The following PKHD1L1 variants were observed in gnomAD, a reference collection of about 807,000 sequenced individuals.
PKHD1L1 encodes PKHD1 like 1, also known as fibrocystin-L.
Under a neutral mutation model 462.9 loss-of-function variants are expected in PKHD1L1, and 434 were observed. That is an observed-to-expected ratio of 0.94 (90% CI 0.87 to 1.02). PKHD1L1 has a LOEUF of 1.02. Among genes scored for constraint, PKHD1L1 ranks in the 50% least tolerant of loss-of-function variants. The pLI is 0.00. For synonymous variants in PKHD1L1, 1,781 were observed against 1,750.0 expected, an observed-to-expected ratio of 1.02 and a Z score of -0.44; for missense variants, 5,202 against 5,096.1, an observed-to-expected ratio of 1.02 and a Z score of -0.63.
chr8:109,499,812 C>G (rs1307544719), intron 67 of PKHD1L1, among the ~76,000 whole-genome samples: 2 of 152,098 alleles, frequency 1.3e-5, no homozygotes, highest in African/African-American at 4.8e-5. Context: ...AGTTGCTAAG[C>G]AAGGATGTGA....
At chr8:109,466,107 A>C (rs1817426472) in intron 49 of PKHD1L1, among the ~76,000 whole-genome samples, 1 of 152,214 alleles carries the variant, frequency 6.6e-6, no homozygotes, top group African/African-American at 2.4e-5. Context: ...ACAGTTGTTA[A>C]CTTCTGTTTC....
intron 10 of PKHD1L1, 141 bp from the exon 11 acceptor site, chr8:109,395,886 T>C: frequency 5.1e-6 from 3 of 583,692 alleles, no homozygotes; most frequent in Non-Finnish European, 9.1e-6. Flanking sequence ...GAGAAAGTAA[T>C]GAAACACCTA....
rs772243005 is a variant in PKHD1L1, at chr8:109,477,201, A to G, written c.8918-24A>G. ...AGTACTTTGGTCACTATGTTCATTT[A>G]ACCCACTTTTACTTCACTTTCAGTG... On this transcript the variant is annotated intron_variant, in intron 52 of 77. Coordinates refer to ENST00000378402, the MANE Select transcript of PKHD1L1 (RefSeq NM_177531.6). The G allele has an allele frequency of 1.9e-6, 3 of 1,611,592 alleles. No individual in the cohort carries two copies. In the African/African-American group the frequency reaches 4.0e-5, roughly 22 times the overall value.
intron 65 of PKHD1L1, among the ~76,000 whole-genome samples, chr8:109,497,571 T>C (rs1783161): frequency 0.39 from 59,286 of 151,334 alleles, 11,805 homozygotes; most frequent in South Asian, 0.57. Flanking sequence ...GGACTACAGG[T>C]GCCCGCCACC....
intron 3 of PKHD1L1, 29 bp downstream of exon 3, chr8:109,381,543 CA>C: frequency 6.9e-7 from 1 of 1,453,880 alleles, no homozygotes; most frequent in Non-Finnish European, 9.4e-7. Context: ...TTAATAAAAT[CA>C]TTTTCATCAT....
At position 109,448,505 on chromosome 8, in the gene PKHD1L1, TTTG is replaced by T. The variant is rs1219703798; in HGVS notation, c.6025+117_6025+119del. 6.5e-6 allele frequency: 8 copies of T among 1,235,110 alleles called. No individual in the cohort carries two copies. In the African/African-American group the frequency reaches 6.7e-5, roughly 10 times the overall value. The allele number at this position is 1,235,110 out of a possible 1,614,324, so 76.5% of individuals were successfully genotyped here. ...AACACATAAAATTTCTAGTGTTTTTTTTGTTTGTTTGGTTTTTTTTTTTTGAGA... is the reference window on the plus strand; with the variant it reads ...AACACATAAAATTTCTAGTGTTTTTTTTTGTTTGGTTTTTTTTTTTTGAGA... On this transcript the variant is annotated intron_variant, in intron 39 of 77. Transcript: ENST00000378402.
At chr8:109,431,770 C>T (rs930097180) in intron 27 of PKHD1L1, among the ~76,000 whole-genome samples, 4 of 152,156 alleles carry the variant, frequency 2.6e-5, no homozygotes, top group African/African-American at 9.7e-5. Context: ...ACCAATAAGA[C>T]TATATTGAAC....
At chr8:109,482,862 T>G (rs1409409248) in intron 56 of PKHD1L1, 125 bp from the exon 57 acceptor site, 1 of 593,834 alleles carries the variant, frequency 1.7e-6, no homozygotes, top group African/African-American at 2.0e-5. Context: ...GAGCACCAAT[T>G]CATTCCTTTT....
intron 58 of PKHD1L1, 63 bp downstream of exon 58, chr8:109,485,236 G>C: frequency 7.6e-7 from 1 of 1,308,192 alleles, no homozygotes; most frequent in African/African-American, 1.5e-5. Context: ...CATTTACTCT[G>C]TAATTATAAT....
intron 10 of PKHD1L1, 40 bp downstream of exon 10, chr8:109,394,525 G>C: frequency 7.7e-7 from 1 of 1,294,104 alleles, no homozygotes; most frequent in Non-Finnish European, 1.1e-6. Context: ...GGGGTGGTGG[G>C]AAGGCAGTGT....
At chr8:109,517,978 G>C (rs1472412467) in intron 72 of PKHD1L1, among the ~76,000 whole-genome samples, 189 bp from the exon 73 acceptor site, 1 of 152,078 alleles carries the variant, frequency 6.6e-6, no homozygotes, top group Non-Finnish European at 1.5e-5. Flanking sequence ...ATTTTTTAAA[G>C]GAGTGGCTTT....
At chr8:109,429,224 T>C (rs750778279) in intron 25 of PKHD1L1, 116 bp from the exon 26 acceptor site, 16 of 953,932 alleles carry the variant, frequency 1.7e-5, no homozygotes, top group Non-Finnish European at 1.6e-5. Context: ...TTTTGAATTT[T>C]ATTTTACATT....
At chr8:109,447,748 G>A (rs993478756) in intron 38 of PKHD1L1, among the ~76,000 whole-genome samples, 2 of 152,160 alleles carry the variant, frequency 1.3e-5, no homozygotes, top group African/African-American at 4.8e-5. Context: ...ATGTCAGGAA[G>A]GAAGCTACCA....
rs201194016 is a variant in PKHD1L1, at chr8:109,497,233, T to C, written c.10560T>C (p.Ala3520=). The change falls in exon 65 of 78, where the codon GCT becomes GCC. Residue 3520 remains alanine (A), a synonymous_variant. Transcript: ENST00000378402. ...TTCCAATGATTTACATGCCAGCTGC[T>C]ATATCACACAAAATTTCCAGTAAAA... ...AIFPMIYMPA[A]ISHKISSKNV... 6.2e-7 allele frequency: 1 copy of C among 1,613,542 alleles called. No individual in the cohort carries two copies. The highest frequency in any genetic ancestry group is 2.2e-5 in the East Asian group (1 of 44,852).
At position 109,445,196 on chromosome 8, in the gene PKHD1L1, T is replaced by C. The variant is rs1483604000; in HGVS notation, c.5327T>C (p.Leu1776Ser). Residue 1776 changes from leucine (L) to serine (S), a missense_variant, in exon 38 of 78, where the codon TTG becomes TCG. Leu to Ser is a moderately radical substitution (Grantham distance 145). Around this residue, in one of 3 missense-constraint regions of PKHD1L1, gnomAD observed 4,497 missense variants for 4,336.8 expected, o/e 1.04. Coordinates refer to ENST00000378402, the MANE Select transcript of PKHD1L1 (RefSeq NM_177531.6). ...GAAGGAGAAGGTTTGGGGACTGTTT[T>C]GGAGGACATTGCTGTTTTCATTGGA... Reference protein sequence around the residue: ...LIEGEGLGTVLEDIAVFIGNQ... With the variant: ...LIEGEGLGTVSEDIAVFIGNQ... The C allele has an allele frequency of 6.2e-7, 1 of 1,613,928 alleles. No homozygotes were observed. Among genetic ancestry groups the C allele is most frequent in the Admixed American group, 1.7e-5 (1 of 60,008 alleles).
chr8:109,370,662 C>A (rs1450495537), intron 2 of PKHD1L1, among the ~76,000 whole-genome samples: 1 of 152,042 alleles, frequency 6.6e-6, no homozygotes, highest in African/African-American at 2.4e-5. Context: ...TACCCCCTAC[C>A]CCCAACCCAC....
chr8:109,459,950 A>G (rs531969411), intron 47 of PKHD1L1, 114 bp downstream of exon 47: 6 of 841,424 alleles, frequency 7.1e-6, no homozygotes, highest in African/African-American at 7.0e-5. Flanking sequence ...ATCATTAAAT[A>G]TAATTTAATG....
chr8:109,362,476 C>G lies in PKHD1L1; in HGVS notation c.-105C>G. On this transcript the variant is annotated 5_prime_UTR_variant, in exon 1 of 78. Coordinates refer to ENST00000378402, the MANE Select transcript of PKHD1L1 (RefSeq NM_177531.6). ...GGGCGGCCCAGTTCCCCAGCTCTCC[C>G]GGGACGAAGCGGGCCCGCCAGCGAG... The G allele has an allele frequency of 8.5e-7, 1 of 1,171,844 alleles. No individual in the cohort carries two copies. The highest frequency in any genetic ancestry group is 1.2e-6 in the Non-Finnish European group (1 of 812,598). 72.6% of individuals were successfully genotyped at this position (1,171,844 alleles called of 1,614,324 possible). A position where few individuals can be genotyped will look rare whatever the true frequency, so the allele number is the denominator to read the frequency against.
chr8:109,462,001 T>G lies in PKHD1L1; in HGVS notation c.7383+93T>G, dbSNP rs1364769251. 5 of 1,392,660 alleles carry G rather than the reference T, an allele frequency of 3.6e-6. No individual in the cohort carries two copies. The Admixed American group carries it at 9.3e-5, about 26-fold the overall frequency. The allele number at this position is 1,392,660 out of a possible 1,614,324, so 86.3% of individuals were successfully genotyped here. A position where few individuals can be genotyped will look rare whatever the true frequency, so the allele number is the denominator to read the frequency against. On this transcript the variant is annotated intron_variant, in intron 48 of 77. Coordinates refer to ENST00000378402, the MANE Select transcript of PKHD1L1 (RefSeq NM_177531.6). Reference sequence around the variant, plus strand: ...ACTCCTGCTGTTTGTCAATGCTACTTATAATCTGGTAGGGGAGACAGATAC... The same window carrying G: ...ACTCCTGCTGTTTGTCAATGCTACTGATAATCTGGTAGGGGAGACAGATAC...
Sources: gnomAD v4.1 joint callset for allele counts (sites outside exome capture counted in the v4.1 genomes callset) on GRCh38, gnomAD v4.1.1 for gene constraint, gnomAD v4.1.1 regional missense constraint, MANE v1.5 for transcripts, NCBI Gene and HGNC (gene_info 2026-07-23, HGNC 2026-07-21) for gene names.